Variants in SEMA3A observed in about 807,000 individuals in gnomAD.
SEMA3A encodes the protein semaphorin-3A.
Under a neutral mutation model 97.9 loss-of-function variants are expected in SEMA3A, and 29 were observed. The observed-to-expected ratio is 0.30, with a 90% CI of 0.22 to 0.40. SEMA3A has a LOEUF of 0.40. Ranked by LOEUF, SEMA3A falls within the 10% of genes least tolerant of loss-of-function variation. The pLI is 1.00. For synonymous variants in SEMA3A, 321 were observed against 323.7 expected, an observed-to-expected ratio of 0.99 and a Z score of 0.09; for missense variants, 763 against 951.3, an observed-to-expected ratio of 0.80 and a Z score of 2.60.
At chr7:84,417,281 T>A (rs1475841149) in intron 1 of SEMA3A, among the ~76,000 whole-genome samples, 1 of 152,070 alleles carries the variant, frequency 6.6e-6, no homozygotes, top group Non-Finnish European at 1.5e-5. Flanking sequence ...TACAGTGTTG[T>A]TTGGTCCAGA....
chr7:84,151,548 T>G (rs1044334081), intron 1 of SEMA3A, among the ~76,000 whole-genome samples: 12 of 151,776 alleles, frequency 7.9e-5, no homozygotes, highest in Admixed American at 4.6e-4. Context: ...GAAAAAAGAA[T>G]AAAAAGAAAT....
chr7:84,257,134 A>C (rs2115641597), intron 3 of SEMA3A, among the ~76,000 whole-genome samples: 1 of 152,228 alleles, frequency 6.6e-6, no homozygotes, highest in South Asian at 2.1e-4. Flanking sequence ...TTTTCTGACT[A>C]ACTTAATTTC....
chr7:84,013,656 G>A (rs3779438), intron 7 of SEMA3A, among the ~76,000 whole-genome samples: 7,617 of 151,086 alleles, frequency 0.05, 249 homozygotes, highest in East Asian at 0.12. Flanking sequence ...AGACCAGCCT[G>A]GCCAACATGA....
At chr7:84,402,180 T>C (rs1263965780) in intron 1 of SEMA3A, among the ~76,000 whole-genome samples, 5 of 152,036 alleles carry the variant, frequency 3.3e-5, no homozygotes, top group Non-Finnish European at 5.9e-5. Context: ...CAAAATCTAA[T>C]TTAAAAATAA....
At chr7:84,489,200 CCT>C (rs1297994852) in intron 1 of SEMA3A, 2 of 152,134 alleles carry the variant, frequency 1.3e-5, no homozygotes, top group African/African-American at 4.8e-5. Flanking sequence ...AAGAAGGAAA[CCT>C]CTCGTCAAAC....
At chr7:84,183,397 T>C (rs1022508586) in intron 1 of SEMA3A, among the ~76,000 whole-genome samples, 3 of 152,190 alleles carry the variant, frequency 2.0e-5, no homozygotes, top group African/African-American at 7.2e-5. Context: ...AAGCAGAGTA[T>C]GACCTATCAT....
At chr7:84,044,517 G>C (rs563610347) in intron 6 of SEMA3A, among the ~76,000 whole-genome samples, 1 of 152,150 alleles carries the variant, frequency 6.6e-6, no homozygotes, top group Non-Finnish European at 1.5e-5. Context: ...GGGAGAGCAA[G>C]AAATAAGGGA....
At chr7:84,084,564 T>C (rs2115815566) in intron 4 of SEMA3A, among the ~76,000 whole-genome samples, 1 of 152,068 alleles carries the variant, frequency 6.6e-6, no homozygotes, top group Admixed American at 6.5e-5. Flanking sequence ...TCATTTACAA[T>C]GTAATCTGGT....
At chr7:84,110,850 TTTTAA>T (rs1452458497) in intron 3 of SEMA3A, among the ~76,000 whole-genome samples, 1 of 152,158 alleles carries the variant, frequency 6.6e-6, no homozygotes, top group Non-Finnish European at 1.5e-5. Context: ...TTAAAACTAT[TTTTAA>T]TTTATTTATA....
chr7:84,152,381 C>T (rs1441399043), intron 1 of SEMA3A, among the ~76,000 whole-genome samples: 33 of 141,062 alleles, frequency 2.3e-4, no homozygotes, highest in Admixed American at 7.2e-4. Flanking sequence ...GATGAGTTCA[C>T]GTCCTTTGTA....
chr7:83,964,340 G>C (rs1341299599), intron 15 of SEMA3A, among the ~76,000 whole-genome samples: 1 of 152,182 alleles, frequency 6.6e-6, no homozygotes, highest in African/African-American at 2.4e-5. Flanking sequence ...AGCTGACAGT[G>C]TAGACAGATG....
intron 1 of SEMA3A, among the ~76,000 whole-genome samples, chr7:84,167,883 T>C (rs1797261443): frequency 1.3e-5 from 2 of 152,184 alleles, no homozygotes; most frequent in African/African-American, 4.8e-5. Context: ...AAAGGATTCA[T>C]GATCATGTCC....
intron 1 of SEMA3A, among the ~76,000 whole-genome samples, chr7:84,175,511 G>T (rs1348067410): frequency 6.6e-6 from 1 of 152,158 alleles, no homozygotes; most frequent in Admixed American, 6.5e-5. Flanking sequence ...AGCTTCCCTT[G>T]TAGGGTTCAC....
rs781108685 is a variant in SEMA3A, at chr7:84,020,035, C to CTT, written c.668-5686_668-5685dup. On this transcript the variant is annotated intron_variant, in intron 6 of 16. Coordinates refer to ENST00000265362, the MANE Select transcript of SEMA3A (RefSeq NM_006080.3). The stretch of plus-strand genomic sequence containing the variant: ...AATATTGTTAATGATTTTTTTCTTT[C>CTT]TTTTTTTTTTTTTTTTTTTTTTTTT... 5.5e-3 allele frequency among the ~76,000 whole-genome samples: 321 copies of CTT among 58,236 alleles called. 77 individuals are homozygous for CTT. The highest frequency in any genetic ancestry group is 0.01 in the African/African-American group (152 of 14,866). 38.2% of individuals were successfully genotyped at this position (58,236 alleles called of 152,430 possible).
At chr7:83,995,039 T>C (rs984124932) in intron 12 of SEMA3A, among the ~76,000 whole-genome samples, 3 of 152,044 alleles carry the variant, frequency 2.0e-5, no homozygotes, top group Admixed American at 1.3e-4. Flanking sequence ...TTTAAGCCCG[T>C]CGGAAAAGTG....
intron 3 of SEMA3A, among the ~76,000 whole-genome samples, chr7:84,113,373 G>C (rs1230892016): frequency 6.6e-6 from 1 of 152,142 alleles, no homozygotes; most frequent in Non-Finnish European, 1.5e-5. Flanking sequence ...AGGTTTTCGA[G>C]TGTTCCAAAA....
chr7:83,985,480 A>T lies in SEMA3A; in HGVS notation c.1453-3T>A. 6.2e-7 allele frequency: 1 copy of T among 1,606,804 alleles called. No homozygotes were observed. Among genetic ancestry groups the T allele is most frequent in the Non-Finnish European group, 8.5e-7 (1 of 1,174,944 alleles). On this transcript the variant is annotated splice_polypyrimidine_tract_variant and splice_region_variant and intron_variant, in intron 12 of 16. Coordinates refer to ENST00000265362, the MANE Select transcript of SEMA3A (RefSeq NM_006080.3). Reference sequence around the variant, plus strand: ...ATTGCTGAAATAGCAGTCGGTTCCTAAAGGAGAAAAAGAAATATGTGAGGT... The same window carrying T: ...ATTGCTGAAATAGCAGTCGGTTCCTTAAGGAGAAAAAGAAATATGTGAGGT...
chr7:84,384,526 A>G (rs1803351861), intron 1 of SEMA3A, among the ~76,000 whole-genome samples: 1 of 152,158 alleles, frequency 6.6e-6, no homozygotes, highest in Non-Finnish European at 1.5e-5. Context: ...TCAGAGACTG[A>G]ATACAACAAA....
chr7:84,286,776 A>G (rs1463960235), intron 3 of SEMA3A, among the ~76,000 whole-genome samples: 1 of 152,036 alleles, frequency 6.6e-6, no homozygotes. Flanking sequence ...AATATGTTGT[A>G]CTGTTTTAGG....
Sources: allele counts gnomAD v4.1 joint callset (sites outside exome capture counted in the v4.1 genomes callset), GRCh38; gene constraint gnomAD v4.1.1; transcripts MANE v1.5; gene names NCBI Gene and HGNC (gene_info 2026-07-23, HGNC 2026-07-21).